The following LTBP4 variants were observed in gnomAD, a reference collection of about 807,000 sequenced individuals.
The protein encoded by LTBP4 is latent transforming growth factor beta binding protein 4.
In LTBP4, 93 loss-of-function variants were observed where a neutral mutation model predicts 180.2. The observed-to-expected ratio is 0.52, with a 90% CI of 0.44 to 0.61. LTBP4 has a LOEUF of 0.61. Among genes scored for constraint, LTBP4 ranks in the 20% least tolerant of loss-of-function variants. The pLI, the probability that LTBP4 is intolerant of heterozygous loss-of-function variation, is 0.00. For missense variants in LTBP4, 2,116 were observed against 2,256.5 expected (o/e 0.94, Z 1.26); for synonymous variants, 947 against 934.5 (o/e 1.01, Z -0.24).
intron 15 of LTBP4, 111 bp downstream of exon 15, chr19:40,612,303 C>T (rs1463860749): frequency 7.2e-7 from 1 of 1,391,790 alleles, no homozygotes; most frequent in Non-Finnish European, 9.6e-7. Context: ...CTCAGTCCCT[C>T]AGTCCCCAGA....
chr19:40,627,994 G>A, intron 29 of LTBP4, 137 bp downstream of exon 29: 1 of 1,227,916 alleles, frequency 8.1e-7, no homozygotes, highest in Non-Finnish European at 1.1e-6. Flanking sequence ...CAAAAGGGAG[G>A]AGTAATTCTT....
At chr19:40,594,498 C>T (rs1013743629) in intron 1 of LTBP4, 1 of 152,084 alleles carries the variant, frequency 6.6e-6, no homozygotes, top group African/African-American at 2.4e-5. Flanking sequence ...TGCGCTGGAT[C>T]CCGGACAGAA....
Position 40,629,455 on chromosome 19 carries a change from C to T in LTBP4, c.4579C>T (p.Leu1527Phe), listed in dbSNP as rs951529266. Residue 1527 changes from leucine to phenylalanine, a missense_variant, in exon 30 of 30, where the codon CTC becomes TTC. Leu to Phe is a conservative substitution (Grantham distance 22). This residue lies in a region of LTBP4 where 488 missense variants were observed against 458.8 expected (regional missense o/e 1.06). Transcript: ENST00000396819. This position sits in a 1 kb window ranked among gnomAD's most constrained non-coding sequence, Gnocchi z 4.5. The stretch of plus-strand genomic sequence containing the variant: ...CCCGCTGTGCGTCAACGCGCGTTGC[C>T]TCAACACGGATGGCTCCTTCCGCTG... ...ASPLCVNARC[L>F]NTDGSFRCIC... 3 of 1,612,102 alleles carry T rather than the reference C, an allele frequency of 1.9e-6. No homozygotes were observed. The highest frequency in any genetic ancestry group is 2.5e-6 in the Non-Finnish European group (3 of 1,179,104).
chr19:40,618,784 T>C (rs2081566955), intron 21 of LTBP4, among the ~76,000 whole-genome samples: 1 of 152,236 alleles, frequency 6.6e-6, no homozygotes, highest in Non-Finnish European at 1.5e-5. Flanking sequence ...TTTTATTTCT[T>C]TAAAGGGAAT....
In LTBP4 at chr19:40,606,276, C is replaced by T; in HGVS notation, c.837C>T (p.Thr279=). 1 of 1,600,880 alleles carries T rather than the reference C, an allele frequency of 6.2e-7. No individual in the cohort carries two copies. Among genetic ancestry groups the T allele is most frequent in the Non-Finnish European group, 8.5e-7 (1 of 1,173,740 alleles). ...GCGCCCCAGATGGACCTTGTCCAAC[C>T]GGCTTTGAAAGAGTTAATGGGTCCT... The part of the protein sequence containing the change: ...RVSAPDGPCP[T]GFERVNGSCE... Residue 279 remains threonine, a synonymous_variant, in exon 5 of 30, where the codon ACC becomes ACT. Coordinates refer to ENST00000396819, the MANE Select transcript of LTBP4 (RefSeq NM_001042545.2).
chr19:40,608,604 G>T lies in LTBP4; in HGVS notation c.1426+1G>T, dbSNP rs1568404922. On this transcript the variant is annotated splice_donor_variant, in intron 9 of 29. Coordinates refer to ENST00000396819, the MANE Select transcript of LTBP4 (RefSeq NM_001042545.2). LOFTEE classifies it high-confidence loss of function. Reference sequence around the variant, plus strand: ...ACTGGTCCTGAGATTCCTGAATCAGGTTTGCTAGAAAGAACTGAGGGCATT... The same window carrying T: ...ACTGGTCCTGAGATTCCTGAATCAGTTTTGCTAGAAAGAACTGAGGGCATT... 3.2e-6 allele frequency: 5 copies of T among 1,584,324 alleles called. No individual in the cohort carries two copies. In the South Asian group the frequency reaches 5.8e-5, roughly 18 times the overall value.
At chr19:40,616,147 T>C (rs564149785) in intron 19 of LTBP4, among the ~76,000 whole-genome samples, 1 of 151,838 alleles carries the variant, frequency 6.6e-6, no homozygotes, top group Non-Finnish European at 1.5e-5. Context: ...TTATCAACTA[T>C]GCTAGGTGTG....
At chr19:40,599,779 A>G, upstream of LTBP4, 1 of 578,298 alleles carries the variant, frequency 1.7e-6, no homozygotes, top group Non-Finnish European at 3.0e-6. Flanking sequence ...GTTTCTTTCT[A>G]GTTACCTGTC....
intron 22 of LTBP4, among the ~76,000 whole-genome samples, chr19:40,620,869 A>G (rs976833040): frequency 1.5e-4 from 22 of 151,236 alleles, no homozygotes; most frequent in Non-Finnish European, 2.9e-5. Flanking sequence ...TTACCTGGGT[A>G]TATTTCGTGA....
chr19:40,609,454 G>A lies in LTBP4; in HGVS notation c.1427-76G>A. On this transcript the variant is annotated intron_variant, in intron 9 of 29. Coordinates refer to ENST00000396819, the MANE Select transcript of LTBP4 (RefSeq NM_001042545.2). This position sits in a 1 kb window ranked among gnomAD's most constrained non-coding sequence, Gnocchi z 4.9. ...TGAAGGTGTTTTATGGATGTCTCCG[G>A]GGGTGGGGGTTTTACTGGGATGAAA... 6.4e-7 allele frequency: 1 copy of A among 1,573,748 alleles called. No individual in the cohort carries two copies. Among genetic ancestry groups the A allele is most frequent in the Admixed American group, 1.7e-5 (1 of 57,986 alleles).
intron 24 of LTBP4, among the ~76,000 whole-genome samples, chr19:40,623,301 C>T (rs1406425857): frequency 6.6e-6 from 1 of 151,646 alleles, no homozygotes; most frequent in East Asian, 1.9e-4. Flanking sequence ...CAGCCTCTGG[C>T]GTAGCTGGCT....
At position 40,629,563 on chromosome 19, in the gene LTBP4, G is replaced by T. The variant is rs757005360; in HGVS notation, c.*13G>T. On this transcript the variant is annotated 3_prime_UTR_variant, in exon 30 of 30. Transcript: ENST00000396819. The surrounding 1 kb of genome is among the most constrained non-coding windows in gnomAD (Gnocchi z 4.5). Reference sequence around the variant, plus strand: ...GCCCCGGGCCTGAGCCCTGGCACCCGCTGGCCGCCCACCCGCGCCCGCCAC... The same window carrying T: ...GCCCCGGGCCTGAGCCCTGGCACCCTCTGGCCGCCCACCCGCGCCCGCCAC... 2.2e-6 allele frequency: 3 copies of T among 1,384,572 alleles called. 1 individual carries two copies. The South Asian group carries it at 4.8e-5, about 22-fold the overall frequency. The allele number at this position is 1,384,572 out of a possible 1,614,324, so 85.8% of individuals were successfully genotyped here. A position where few individuals can be genotyped will look rare whatever the true frequency, so the allele number is the denominator to read the frequency against.
chr19:40,606,174 C>T, intron 4 of LTBP4, 59 bp from the exon 5 acceptor site: 1 of 1,436,504 alleles, frequency 7.0e-7, no homozygotes, highest in Non-Finnish European at 9.6e-7. Context: ...TTCGTCTCTG[C>T]CCACTCCATT....
At chr19:40,601,281 G>T, upstream of LTBP4, 3 of 866,420 alleles carry the variant, frequency 3.5e-6, no homozygotes, top group Non-Finnish European at 4.1e-6. Flanking sequence ...AGGAGGGGGG[G>T]CCTGAGCGGG....
chr19:40,619,222 A>T, intron 21 of LTBP4, 125 bp from the exon 22 acceptor site: 1 of 951,124 alleles, frequency 1.1e-6, no homozygotes, highest in Non-Finnish European at 1.6e-6. Context: ...TAGAAGAAAA[A>T]CAGATGATGG....
At chr19:40,610,782 G>A (rs2081500377) in intron 12 of LTBP4, 125 bp downstream of exon 12, 1 of 1,382,408 alleles carries the variant, frequency 7.2e-7, no homozygotes, top group Non-Finnish European at 9.6e-7. Context: ...CCAGGCTCTC[G>A]AGCAGACGTG....
At position 40,611,595 on chromosome 19, in the gene LTBP4, A is replaced by T. The variant is rs1179263529; in HGVS notation, c.2053+201A>T. On this transcript the variant is annotated intron_variant, in intron 13 of 29. Transcript: ENST00000396819. This position sits in a 1 kb window ranked among gnomAD's most constrained non-coding sequence, Gnocchi z 4.4. ...CACCCCTCCTCCCTTTTTGAAAGAT[A>T]CTCTTGTGCTTATGGGAACCCTGAG... 6.6e-6 allele frequency among the ~76,000 whole-genome samples: 1 copy of T among 151,878 alleles called. No individual in the cohort carries two copies. Among genetic ancestry groups the T allele is most frequent in the East Asian group, 1.9e-4 (1 of 5,172 alleles).
rs868789782 is a variant in LTBP4, at chr19:40,610,825, G to T, written c.1810+168G>T. The T allele has an allele frequency of 2.3e-4, 244 of 1,047,404 alleles. 3 individuals are homozygous for T. In the Middle Eastern group the frequency reaches 8.1e-3, roughly 35 times the overall value. The allele number at this position is 1,047,404 out of a possible 1,614,324, so 64.9% of individuals were successfully genotyped here. A position where few individuals can be genotyped will look rare whatever the true frequency, so the allele number is the denominator to read the frequency against. On this transcript the variant is annotated intron_variant, in intron 12 of 29. Coordinates refer to ENST00000396819, the MANE Select transcript of LTBP4 (RefSeq NM_001042545.2). The stretch of plus-strand genomic sequence containing the variant: ...ATGGCAGTAGAGAGAGACCTGGGAT[G>T]CAGAGGCCAAGTGATGGGAAACAGA...
chr19:40,608,315 C>G lies in LTBP4; in HGVS notation c.1252C>G (p.Arg418Gly). Residue 418 changes from arginine (R) to glycine (G), a missense_variant, in exon 8 of 30, where the codon CGA (arginine) becomes GGA (glycine). Around this residue, in one of 5 missense-constraint regions of LTBP4, gnomAD observed 877 missense variants for 873.6 expected, o/e 1.00. Coordinates refer to ENST00000396819, the MANE Select transcript of LTBP4 (RefSeq NM_001042545.2). ...NTRPLGQEPP[R>G]VSLSQPRTLP... ...CAGACCCCTGGGCCAGGAGCCACCC[C>G]GAGTGTCACTCAGCCAGCCTCGTAC... The G allele has an allele frequency of 6.2e-7, 1 of 1,613,784 alleles. No individual in the cohort carries two copies. Among genetic ancestry groups the G allele is most frequent in the Non-Finnish European group, 8.5e-7 (1 of 1,179,868 alleles).
Sources: gnomAD v4.1 joint callset for allele counts (sites outside exome capture counted in the v4.1 genomes callset) on GRCh38, gnomAD v4.1.1 for gene constraint, gnomAD v4.1.1 regional missense constraint, Gnocchi (gnomAD v3.1) non-coding constraint, MANE v1.5 for transcripts, NCBI Gene and HGNC (gene_info 2026-07-23, HGNC 2026-07-21) for gene names.